Variants in ODAD2 observed in about 807,000 individuals in gnomAD.
ODAD2 encodes the protein outer dynein arm docking complex subunit 2, also known as outer dynein arm-docking complex subunit 2.
Under a neutral mutation model 106.8 loss-of-function variants are expected in ODAD2, and 89 were observed. The observed-to-expected ratio is 0.83, with a 90% CI of 0.70 to 0.99. ODAD2 has a LOEUF of 0.99. Ranked by LOEUF, ODAD2 falls within the 50% of genes least tolerant of loss-of-function variation. The pLI, the probability that ODAD2 is intolerant of heterozygous loss-of-function variation, is 0.00. For synonymous variants in ODAD2, 404 were observed against 436.2 expected, an observed-to-expected ratio of 0.93 and a Z score of 0.92; for missense variants, 1,168 against 1,238.5, an observed-to-expected ratio of 0.94 and a Z score of 0.85.
chr10:27,919,822 TA>T (rs1174745984), intron 16 of ODAD2, among the ~76,000 whole-genome samples: 11 of 152,166 alleles, frequency 7.2e-5, no homozygotes, highest in Non-Finnish European at 1.3e-4. Context: ...GGTTGAAACA[TA>T]ACATGAGTAA....
intron 19 of ODAD2, among the ~76,000 whole-genome samples, chr10:27,822,456 A>G (rs1039988847): frequency 6.6e-6 from 1 of 152,126 alleles, no homozygotes; most frequent in African/African-American, 2.4e-5. Flanking sequence ...CCCTTCTGAC[A>G]TTCTCCTGTT....
intron 19 of ODAD2, among the ~76,000 whole-genome samples, chr10:27,844,451 G>GA (rs1056891048): frequency 3.9e-5 from 6 of 152,148 alleles, no homozygotes; most frequent in South Asian, 2.1e-4. Flanking sequence ...CAGTCCTTCA[G>GA]AAAAAACTGC....
chr10:27,984,752 T>G (rs1003049616), intron 4 of ODAD2, among the ~76,000 whole-genome samples: 1 of 152,134 alleles, frequency 6.6e-6, no homozygotes, highest in African/African-American at 2.4e-5. Context: ...CCAGGAAAAT[T>G]GTTTGTTCCA....
intron 17 of ODAD2, among the ~76,000 whole-genome samples, chr10:27,883,843 C>G (rs772962219): frequency 4.0e-5 from 6 of 151,732 alleles, no homozygotes; most frequent in African/African-American, 7.3e-5. Flanking sequence ...ACTCAGTGAG[C>G]ATGATAGATG....
At chr10:27,869,167 G>GC (rs1840670272) in intron 17 of ODAD2, among the ~76,000 whole-genome samples, 1 of 151,940 alleles carries the variant, frequency 6.6e-6, no homozygotes, top group South Asian at 2.1e-4. Flanking sequence ...ACTAGAAGGA[G>GC]CACAAGAACA....
In ODAD2 at chr10:27,860,862, T is replaced by C; in HGVS notation, c.2800-16A>G. On this transcript the variant is annotated splice_polypyrimidine_tract_variant and intron_variant, in intron 18 of 19. Coordinates refer to ENST00000305242, the MANE Select transcript of ODAD2 (RefSeq NM_018076.5). ...TATTGTTATTCTGTGCAAGGGAAAA[T>C]GAAATGGGATCTGTGCATTGTAATG... The C allele has an allele frequency of 6.2e-7, 1 of 1,604,462 alleles. No individual in the cohort carries two copies. Among genetic ancestry groups the C allele is most frequent in the Non-Finnish European group, 8.5e-7 (1 of 1,171,378 alleles).
At chr10:27,932,776 T>G (rs987002871) in intron 16 of ODAD2, among the ~76,000 whole-genome samples, 1 of 152,170 alleles carries the variant, frequency 6.6e-6, no homozygotes, top group African/African-American at 2.4e-5. Flanking sequence ...TCACACTGTT[T>G]TCTTGTCTTC....
chr10:27,907,480 A>G (rs1214764331), intron 17 of ODAD2, among the ~76,000 whole-genome samples, 183 bp downstream of exon 17: 1 of 150,318 alleles, frequency 6.7e-6, no homozygotes, highest in Non-Finnish European at 1.5e-5. Flanking sequence ...TTTGCTTTGC[A>G]TTTTAAAACT....
Position 27,912,353 on chromosome 10 carries a change from TG to T in ODAD2, c.2496-4577del, listed in dbSNP as rs558149878. On this transcript the variant is annotated intron_variant, in intron 16 of 19. Transcript: ENST00000305242. Reference sequence around the variant, plus strand: ...TATCTCAGAAATCAAACTGCCTGGCTGGCAAAATAACAGCTCTAGAAAGATG... The same window carrying T: ...TATCTCAGAAATCAAACTGCCTGGCTGCAAAATAACAGCTCTAGAAAGATG... 2.0e-5 allele frequency among the ~76,000 whole-genome samples: 3 copies of T among 152,266 alleles called. No individual in the cohort carries two copies. The South Asian group carries it at 6.2e-4, about 32-fold the overall frequency.
intron 17 of ODAD2, among the ~76,000 whole-genome samples, chr10:27,877,284 G>GCC (rs1841402892): frequency 6.6e-6 from 1 of 152,138 alleles, no homozygotes. Context: ...ATCAGCCACA[G>GCC]CACTGGGGCC....
intron 16 of ODAD2, among the ~76,000 whole-genome samples, chr10:27,928,346 AC>A: frequency 6.6e-6 from 1 of 151,988 alleles, no homozygotes; most frequent in Non-Finnish European, 1.5e-5. Flanking sequence ...TCTTTATTTA[AC>A]CTATCGATTT....
At chr10:27,885,706 AAT>A (rs1255959079) in intron 17 of ODAD2, among the ~76,000 whole-genome samples, 3 of 52,074 alleles carry the variant, frequency 5.8e-5, no homozygotes, top group African/African-American at 1.4e-4. Context: ...ATATATATAA[AAT>A]ATATATTATA....
intron 17 of ODAD2, among the ~76,000 whole-genome samples, chr10:27,865,255 T>C (rs1840357762): frequency 6.6e-6 from 1 of 152,200 alleles, no homozygotes. Context: ...ACTCATTCCC[T>C]GAGAATGTGA....
chr10:27,871,598 T>C (rs936385169), intron 17 of ODAD2, among the ~76,000 whole-genome samples: 4 of 152,224 alleles, frequency 2.6e-5, no homozygotes, highest in Non-Finnish European at 4.4e-5. Flanking sequence ...CCCAGCACCA[T>C]TTATTAAATA....
intron 17 of ODAD2, among the ~76,000 whole-genome samples, chr10:27,867,457 A>T (rs142544691): frequency 9.2e-5 from 14 of 152,304 alleles, no homozygotes; most frequent in African/African-American, 3.4e-4. Flanking sequence ...GAATAGCATC[A>T]TCCAAATTGA....
At chr10:27,850,444 C>CAAAAA (rs10713871) in intron 19 of ODAD2, among the ~76,000 whole-genome samples, 7 of 89,562 alleles carry the variant, frequency 7.8e-5, no homozygotes, top group South Asian at 3.9e-4. Context: ...GACTCCGTCT[C>CAAAAA]AAAAAAAAAA....
At chr10:27,835,849 C>T (rs902210343) in intron 19 of ODAD2, 1 of 151,912 alleles carries the variant, frequency 6.6e-6, no homozygotes, top group Admixed American at 6.6e-5. Context: ...TCACTTGAAC[C>T]CGGGAGGCAG....
rs199711346 is a variant in ODAD2 at position 27,895,036 on chromosome 10, G to A, written c.2610+12627C>T. 8.4e-4 allele frequency among the ~76,000 whole-genome samples: 80 copies of A among 95,062 alleles called. No individual in the cohort carries two copies. The East Asian group carries it at 0.019, about 23-fold the overall frequency. 62.4% of individuals were successfully genotyped at this position (95,062 alleles called of 152,430 possible). A position where few individuals can be genotyped will look rare whatever the true frequency, so the allele number is the denominator to read the frequency against. On this transcript the variant is annotated intron_variant, in intron 17 of 19. Transcript: ENST00000305242. ...ATTAGAGAGAGACTCACTAGTCATCGGTACGAAAAAAAAAAAAAACTGTTA... is the reference window on the plus strand; with the variant it reads ...ATTAGAGAGAGACTCACTAGTCATCAGTACGAAAAAAAAAAAAAACTGTTA...
chr10:27,987,633 T>C (rs1211978222), intron 2 of ODAD2, 90 bp from the exon 3 acceptor site: 1 of 817,372 alleles, frequency 1.2e-6, no homozygotes, highest in Non-Finnish European at 1.8e-6. Flanking sequence ...ATTATTCCTA[T>C]ATCTCATTAT....
Sources: allele counts gnomAD v4.1 joint callset (sites outside exome capture counted in the v4.1 genomes callset), GRCh38; gene constraint gnomAD v4.1.1; transcripts MANE v1.5; gene names NCBI Gene and HGNC (gene_info 2026-07-23, HGNC 2026-07-21).